Variants in EXTL1 observed in about 807,000 individuals in gnomAD.
EXTL1 encodes the protein exostosin like glycosyltransferase 1, also known as exostosin-like 1.
A neutral mutation model predicts 64.6 loss-of-function variants in EXTL1; 43 were observed. The ratio of observed to expected loss-of-function variants is 0.67; its 90% CI spans 0.52 to 0.86. EXTL1 has a LOEUF of 0.86. Ranked by LOEUF, EXTL1 falls within the 40% of genes least tolerant of loss-of-function variation. The pLI, the probability that EXTL1 is intolerant of heterozygous loss-of-function variation, is 0.00. For missense variants in EXTL1, 766 were observed against 879.0 expected (o/e 0.87, Z 1.62); for synonymous variants, 352 against 360.5 (o/e 0.98, Z 0.27).
In EXTL1 at chr1:26,031,452, TC is replaced by T; in HGVS notation, c.1235-3del. ...CCCACTCTAATAGCCTGTGTCTCAT[TC>T]CCCCAGGCTCCCGCCCTGAGGGCAG... On this transcript the variant is annotated splice_region_variant and splice_polypyrimidine_tract_variant and intron_variant, in intron 5 of 10. Coordinates refer to ENST00000374280, the MANE Select transcript of EXTL1 (RefSeq NM_004455.3). The T allele has an allele frequency of 2.6e-6, 4 of 1,510,662 alleles. No individual in the cohort carries two copies. The highest frequency in any genetic ancestry group is 1.2e-5 in the South Asian group (1 of 83,028). 93.6% of individuals were successfully genotyped at this position (1,510,662 alleles called of 1,614,324 possible).
In EXTL1 at chr1:26,029,591, GC is replaced by G; in HGVS notation, c.874-3del. ...GGCTGGGCTCCCCAGTGACCTCCCCGCCCCCCAGGCCGGCTGCATCCCAGTG... is the reference window on the plus strand; with the variant it reads ...GGCTGGGCTCCCCAGTGACCTCCCCGCCCCCAGGCCGGCTGCATCCCAGTG... On this transcript the variant is annotated splice_region_variant and splice_polypyrimidine_tract_variant and intron_variant, in intron 2 of 10. Coordinates refer to ENST00000374280, the MANE Select transcript of EXTL1 (RefSeq NM_004455.3). The G allele has an allele frequency of 1.9e-6, 3 of 1,569,722 alleles. No individual in the cohort carries two copies. Among genetic ancestry groups the G allele is most frequent in the Non-Finnish European group, 2.6e-6 (3 of 1,147,406 alleles).
In EXTL1 at chr1:26,023,329, C is replaced by A; in HGVS notation, c.683C>A (p.Ala228Asp). Reference protein sequence around the residue: ...HSPQPGVALLALEEERGGWRT... With the variant: ...HSPQPGVALLDLEEERGGWRT... ...CCCCAGCCCGGGGTAGCCCTGCTAG[C>A]CCTGGAAGAGGAGAGGGGTGGGTGG... Residue 228 changes from alanine to aspartate, a missense_variant, in exon 1 of 11, where the codon GCC (alanine) becomes GAC (aspartate). Physicochemically the swap from Ala to Asp is moderately radical, Grantham distance 126 (BLOSUM62 -2). Coordinates refer to ENST00000374280, the MANE Select transcript of EXTL1 (RefSeq NM_004455.3). The A allele has an allele frequency of 6.5e-7, 1 of 1,530,390 alleles. No individual in the cohort carries two copies. Among genetic ancestry groups the A allele is most frequent in the Non-Finnish European group, 8.8e-7 (1 of 1,137,388 alleles). The allele number at this position is 1,530,390 out of a possible 1,614,324, so 94.8% of individuals were successfully genotyped here. A position where few individuals can be genotyped will look rare whatever the true frequency, so the allele number is the denominator to read the frequency against.
chr1:26,030,645 C>A, intron 4 of EXTL1, 50 bp downstream of exon 4: 1 of 1,569,886 alleles, frequency 6.4e-7, no homozygotes, highest in Non-Finnish European at 8.7e-7. Context: ...CCTGCTTCAT[C>A]CCTGTCACCT....
chr1:26,030,689 C>CT (rs1316167099), intron 4 of EXTL1, 94 bp downstream of exon 4: 11 of 1,333,562 alleles, frequency 8.2e-6, no homozygotes, highest in Non-Finnish European at 1.1e-5. Flanking sequence ...TTTGGGGAAC[C>CT]CCCCCCCCTT....
At chr1:26,029,388 CTGCT>C in intron 2 of EXTL1, 102 bp downstream of exon 2, 1 of 952,310 alleles carries the variant, frequency 1.1e-6, no homozygotes, top group Non-Finnish European at 1.7e-6. Flanking sequence ...AGTAAGCTGC[CTGCT>C]CCTTTACTCC....
Position 26,035,470 on chromosome 1 carries a change from C to G in EXTL1, c.*123C>G, listed in dbSNP as rs993668997. On this transcript the variant is annotated 3_prime_UTR_variant, in exon 11 of 11. Coordinates refer to ENST00000374280, the MANE Select transcript of EXTL1 (RefSeq NM_004455.3). The surrounding 1 kb of genome is among the most constrained non-coding windows in gnomAD (Gnocchi z 5.3). ...TATCATGTCAGCCAGCGGGCCCACA[C>G]GTCGGACCCCGGTTGGCCAATCACA... 10 of 884,696 alleles carry G rather than the reference C, an allele frequency of 1.1e-5. No individual in the cohort carries two copies. Among genetic ancestry groups the G allele is most frequent in the Admixed American group, 8.8e-5 (3 of 33,936 alleles). 54.8% of individuals were successfully genotyped at this position (884,696 alleles called of 1,614,324 possible).
rs764840061 is a variant in EXTL1 at position 26,033,262 on chromosome 1, A to G, written c.1465A>G (p.Arg489Gly). 3.1e-6 allele frequency: 5 copies of G among 1,613,978 alleles called. No individual in the cohort carries two copies. The African/African-American group carries it at 6.7e-5, about 22-fold the overall frequency. Residue 489 changes from arginine (R) to glycine (G), a missense_variant, in exon 8 of 11, where the codon AGA (arginine) becomes GGA (glycine). Arg to Gly is a moderately radical substitution (Grantham distance 125). Around this residue, in one of 3 missense-constraint regions of EXTL1, gnomAD observed 571 missense variants for 647.6 expected, o/e 0.88. Coordinates refer to ENST00000374280, the MANE Select transcript of EXTL1 (RefSeq NM_004455.3). This position sits in a 1 kb window ranked among gnomAD's most constrained non-coding sequence, Gnocchi z 5.1. ...TCGCTTCTACCCATATAGCACCATC[A>G]GAACAGATGCCATCCTCAGCCTCGA... The part of the protein sequence containing the change: ...SDRFYPYSTI[R>G]TDAILSLDAR...
Position 26,031,444 on chromosome 1 carries a change from T to G in EXTL1, c.1235-16T>G. 6.7e-7 allele frequency: 1 copy of G among 1,482,848 alleles called. No individual in the cohort carries two copies. 91.9% of individuals were successfully genotyped at this position (1,482,848 alleles called of 1,614,324 possible). A position where few individuals can be genotyped will look rare whatever the true frequency, so the allele number is the denominator to read the frequency against. Reference sequence around the variant, plus strand: ...TGTTCCCTCCCACTCTAATAGCCTGTGTCTCATTCCCCCAGGCTCCCGCCC... The same window carrying G: ...TGTTCCCTCCCACTCTAATAGCCTGGGTCTCATTCCCCCAGGCTCCCGCCC... On this transcript the variant is annotated splice_polypyrimidine_tract_variant and intron_variant, in intron 5 of 10. Coordinates refer to ENST00000374280, the MANE Select transcript of EXTL1 (RefSeq NM_004455.3).
intron 2 of EXTL1, 122 bp from the exon 3 acceptor site, chr1:26,029,478 C>A (rs2050256548): frequency 2.8e-6 from 2 of 713,786 alleles, no homozygotes; most frequent in Admixed American, 2.3e-5. Flanking sequence ...CCTGAAAAAT[C>A]CCATGTTCCT....
At chr1:26,031,838 C>A (rs2802320) in intron 6 of EXTL1, among the ~76,000 whole-genome samples, 1 of 152,244 alleles carries the variant, frequency 6.6e-6, no homozygotes, top group Non-Finnish European at 1.5e-5. Context: ...TTTCTGAGCA[C>A]TAGGCCCTGG....
chr1:26,022,650 C>T lies in EXTL1; in HGVS notation c.4C>T (p.Gln2Ter), dbSNP rs763020847. 17 of 1,582,642 alleles carry T rather than the reference C, an allele frequency of 1.1e-5. No homozygotes were observed. The African/African-American group carries it at 2.0e-4, about 19-fold the overall frequency. ...AGCCCTGACTGTGGGTGGCCACATG[C>T]AGTCGTGGAGGAGAAGAAAGTCCCT... M[Q>*]SWRRRKSLWL... The change falls in exon 1 of 11, where the codon CAG becomes TAG. Residue 2 changes from glutamine to a stop codon, truncating the protein, a stop_gained. Coordinates refer to ENST00000374280, the MANE Select transcript of EXTL1 (RefSeq NM_004455.3). LOFTEE classifies it high-confidence loss of function.
In EXTL1 at chr1:26,033,966, C is replaced by A; in HGVS notation, c.1679+110C>A. The A allele has an allele frequency of 2.1e-6, 2 of 946,146 alleles. No individual in the cohort carries two copies. Among genetic ancestry groups the A allele is most frequent in the South Asian group, 2.0e-5 (1 of 48,800 alleles). The allele number at this position is 946,146 out of a possible 1,614,324, so 58.6% of individuals were successfully genotyped here. A position where few individuals can be genotyped will look rare whatever the true frequency, so the allele number is the denominator to read the frequency against. On this transcript the variant is annotated intron_variant, in intron 9 of 10. Coordinates refer to ENST00000374280, the MANE Select transcript of EXTL1 (RefSeq NM_004455.3). The surrounding 1 kb of genome is among the most constrained non-coding windows in gnomAD (Gnocchi z 5.1). ...GACCCCAGGGATCCAGGTTCAAGGCCGAGATCTGCCACTTCCCAGCTGTGG... is the reference window on the plus strand; with the variant it reads ...GACCCCAGGGATCCAGGTTCAAGGCAGAGATCTGCCACTTCCCAGCTGTGG...
At position 26,035,131 on chromosome 1, in the gene EXTL1, A is replaced by G. The variant is rs1481604163; in HGVS notation, c.1849-34A>G. The G allele has an allele frequency of 1.3e-6, 2 of 1,589,998 alleles. No individual in the cohort carries two copies. The highest frequency in any genetic ancestry group is 1.7e-6 in the Non-Finnish European group (2 of 1,164,424). On this transcript the variant is annotated intron_variant, in intron 10 of 10. Coordinates refer to ENST00000374280, the MANE Select transcript of EXTL1 (RefSeq NM_004455.3). This position sits in a 1 kb window ranked among gnomAD's most constrained non-coding sequence, Gnocchi z 5.3. ...GCGTGGGGAGTTCGGAAGGGCAGAG[A>G]AGCCCGTTAATGCATTGCTTCTTTC...
At chr1:26,024,549 C>T (rs778107078) in intron 1 of EXTL1, among the ~76,000 whole-genome samples, 7 of 152,070 alleles carry the variant, frequency 4.6e-5, no homozygotes, top group Admixed American at 1.3e-4. Flanking sequence ...CCTTCCACTT[C>T]CTGAAGGTAC....
chr1:26,030,559 C>T lies in EXTL1; in HGVS notation c.1065C>T (p.Phe355=). The T allele has an allele frequency of 6.2e-7, 1 of 1,613,816 alleles. No homozygotes were observed. Among genetic ancestry groups the T allele is most frequent in the Non-Finnish European group, 8.5e-7 (1 of 1,179,928 alleles). Residue 355 remains phenylalanine (F), a synonymous_variant, in exon 4 of 11, where the codon TTC becomes TTT. Coordinates refer to ENST00000374280, the MANE Select transcript of EXTL1 (RefSeq NM_004455.3). ...CCCAGTTTCTATGGGATGCCTACTT[C>T]TCCTCAGTGGAGAAGGTCATCCATA... ...QQTQFLWDAY[F]SSVEKVIHTT...
Position 26,033,750 on chromosome 1 carries a change from C to T in EXTL1, c.1573C>T (p.Leu525=). 1 of 1,614,174 alleles carries T rather than the reference C, an allele frequency of 6.2e-7. No homozygotes were observed. The highest frequency in any genetic ancestry group is 2.2e-5 in the East Asian group (1 of 44,884). ...CTTCCCAGAGCGGATGGTGGGCTTC[C>T]TGACGTCGAGCCATTTCTGGGACGA... is the stretch of plus-strand genomic sequence containing the variant. The part of the protein sequence containing the change: ...QSFPERMVGF[L]TSSHFWDEAH... Residue 525 remains leucine, a synonymous_variant, in exon 9 of 11, where the codon CTG becomes TTG. Transcript: ENST00000374280. This position sits in a 1 kb window ranked among gnomAD's most constrained non-coding sequence, Gnocchi z 5.1.
Position 26,035,479 on chromosome 1 carries a change from C to A in EXTL1, c.*132C>A, listed in dbSNP as rs1481050489. The A allele has an allele frequency of 6.2e-6, 5 of 811,072 alleles. No homozygotes were observed. The highest frequency in any genetic ancestry group is 9.4e-6 in the Non-Finnish European group (5 of 529,510). The allele number at this position is 811,072 out of a possible 1,614,324, so 50.2% of individuals were successfully genotyped here. ...AGCCAGCGGGCCCACACGTCGGACCCCGGTTGGCCAATCACAACAGGGGGG... is the reference window on the plus strand; with the variant it reads ...AGCCAGCGGGCCCACACGTCGGACCACGGTTGGCCAATCACAACAGGGGGG... On this transcript the variant is annotated 3_prime_UTR_variant, in exon 11 of 11. Coordinates refer to ENST00000374280, the MANE Select transcript of EXTL1 (RefSeq NM_004455.3). The surrounding 1 kb of genome is among the most constrained non-coding windows in gnomAD (Gnocchi z 5.3).
In EXTL1 at chr1:26,033,915, C is replaced by G. The variant is rs1232922196; in HGVS notation, c.1679+59C>G. On this transcript the variant is annotated intron_variant, in intron 9 of 10. Coordinates refer to ENST00000374280, the MANE Select transcript of EXTL1 (RefSeq NM_004455.3). This position sits in a 1 kb window ranked among gnomAD's most constrained non-coding sequence, Gnocchi z 5.1. ...ATCAGAGGACCAGAGACCCCACCCC[C>G]ACCCCGAACGGAGCAGAGTGGCCTA... 11 of 1,509,716 alleles carry G rather than the reference C, an allele frequency of 7.3e-6. No individual in the cohort carries two copies. The highest frequency in any genetic ancestry group is 2.7e-6 in the Non-Finnish European group (3 of 1,117,950). The allele number at this position is 1,509,716 out of a possible 1,614,324, so 93.5% of individuals were successfully genotyped here. A position where few individuals can be genotyped will look rare whatever the true frequency, so the allele number is the denominator to read the frequency against.
chr1:26,027,715 A>T (rs115927486), intron 1 of EXTL1, among the ~76,000 whole-genome samples: 9,742 of 148,972 alleles, frequency 0.065, 1,153 homozygotes, highest in African/African-American at 0.23. Context: ...AAAAGCCAGC[A>T]CGTGCCTGTA....
Sources: allele counts gnomAD v4.1 joint callset (sites outside exome capture counted in the v4.1 genomes callset), GRCh38; gene constraint gnomAD v4.1.1; regional missense constraint gnomAD v4.1.1; non-coding constraint Gnocchi (gnomAD v3.1); transcripts MANE v1.5; gene names NCBI Gene and HGNC (gene_info 2026-07-23, HGNC 2026-07-21).